The following TIAM1 variants were observed in gnomAD, a reference collection of about 807,000 sequenced individuals.
The protein encoded by TIAM1 is rho guanine nucleotide exchange factor TIAM1.
In TIAM1, 65 loss-of-function variants were observed where a neutral mutation model predicts 163.5. The observed-to-expected ratio is 0.40, with a 90% CI of 0.33 to 0.49. TIAM1 has a LOEUF of 0.49. TIAM1 is among the 20% of genes least tolerant of loss of function. TIAM1 has a pLI of 0.77. For synonymous variants in TIAM1, 833 were observed against 810.1 expected (o/e 1.03, Z -0.48); for missense variants, 1,789 against 2,044.7 (o/e 0.87, Z 2.41).
At chr21:31,328,102 C>T (rs1024142391) in intron 2 of TIAM1, among the ~76,000 whole-genome samples, 2 of 152,150 alleles carry the variant, frequency 1.3e-5, no homozygotes, top group African/African-American at 4.8e-5. Flanking sequence ...TTCCTCAACC[C>T]CTTGCCATCT....
chr21:31,148,956 CT>C (rs869158026), intron 19 of TIAM1, among the ~76,000 whole-genome samples: 3 of 28,844 alleles, frequency 1.0e-4, no homozygotes, highest in African/African-American at 1.9e-4. Context: ...ACAAGTTTTT[CT>C]TTTTCTTTTT....
At chr21:31,210,602 G>A (rs866737007) in intron 10 of TIAM1, among the ~76,000 whole-genome samples, 2 of 103,364 alleles carry the variant, frequency 1.9e-5, no homozygotes, top group Non-Finnish European at 3.8e-5. Flanking sequence ...AAGAGAGAAA[G>A]AAGGAAGGAA....
At chr21:31,367,278 G>C (rs1194750581) in intron 2 of TIAM1, among the ~76,000 whole-genome samples, 1 of 152,136 alleles carries the variant, frequency 6.6e-6, no homozygotes, top group Non-Finnish European at 1.5e-5. Flanking sequence ...CAGCAAAGGG[G>C]ACACAGAGCT....
chr21:31,210,122 G>A lies in TIAM1; in HGVS notation c.2311C>T (p.Leu771=). Residue 771 remains leucine, a synonymous_variant, in exon 11 of 28, where the codon CTG becomes TTG. Coordinates refer to ENST00000541036, the MANE Select transcript of TIAM1 (RefSeq NM_001353694.2). ...GTCAGGGCAGGCTGATTATTGGGCA[G>A]ACAGAACCAGGATGGAGTGAAATAC... is the stretch of plus-strand genomic sequence containing the variant. The part of the protein sequence containing the change: ...HEYFTPSWFC[L]PNNQPALTVV... The A allele has an allele frequency of 6.2e-7, 1 of 1,614,220 alleles. No individual in the cohort carries two copies. The highest frequency in any genetic ancestry group is 8.5e-7 in the Non-Finnish European group (1 of 1,180,050).
chr21:31,523,782 G>C (rs2047685295), intron 1 of TIAM1, among the ~76,000 whole-genome samples: 1 of 152,080 alleles, frequency 6.6e-6, no homozygotes, highest in Non-Finnish European at 1.5e-5. Context: ...AAATTAGCCA[G>C]GCATGGTGGC....
intron 1 of TIAM1, among the ~76,000 whole-genome samples, chr21:31,529,955 G>A (rs1370713554): frequency 6.6e-6 from 1 of 152,122 alleles, no homozygotes; most frequent in Non-Finnish European, 1.5e-5. Flanking sequence ...ACCTTTGCTG[G>A]AGCCAGGACC....
intron 2 of TIAM1, among the ~76,000 whole-genome samples, chr21:31,458,189 G>A (rs1372732269): frequency 6.6e-6 from 1 of 152,178 alleles, no homozygotes; most frequent in Non-Finnish European, 1.5e-5. Flanking sequence ...GGAGGCCAAG[G>A]TGGGTAGATC....
chr21:31,522,073 A>G (rs557848446), intron 1 of TIAM1, among the ~76,000 whole-genome samples: 12 of 151,818 alleles, frequency 7.9e-5, no homozygotes, highest in South Asian at 2.1e-4. Flanking sequence ...GGGTTTCACC[A>G]TGTTAACCAG....
chr21:31,154,042 C>A (rs1275984449), intron 17 of TIAM1, among the ~76,000 whole-genome samples: 1 of 151,742 alleles, frequency 6.6e-6, no homozygotes. Flanking sequence ...CCAGCCTGGC[C>A]AACAGAGTGA....
chr21:31,556,822 G>A (rs2048896092), intron 1 of TIAM1, among the ~76,000 whole-genome samples: 1 of 152,138 alleles, frequency 6.6e-6, no homozygotes, highest in Admixed American at 6.5e-5. Context: ...TAGCAACGTC[G>A]GTGTTTACCA....
chr21:31,500,499 A>G (rs190575821), intron 1 of TIAM1, among the ~76,000 whole-genome samples: 1 of 152,258 alleles, frequency 6.6e-6, no homozygotes, highest in East Asian at 1.9e-4. Flanking sequence ...TCCCAGAAAG[A>G]TATGTTGAAG....
chr21:31,368,664 G>A (rs547110807), intron 2 of TIAM1, among the ~76,000 whole-genome samples: 4 of 152,228 alleles, frequency 2.6e-5, no homozygotes, highest in Admixed American at 1.3e-4. Context: ...AGATTTGACC[G>A]TCCCCAGTAT....
intron 3 of TIAM1, among the ~76,000 whole-genome samples, chr21:31,267,195 G>T (rs1344135307): frequency 1.3e-5 from 2 of 152,236 alleles, no homozygotes; most frequent in Non-Finnish European, 2.9e-5. Context: ...TACTGAGACT[G>T]CCCCCTGAGA....
chr21:31,505,124 A>T (rs2147456936), intron 1 of TIAM1, among the ~76,000 whole-genome samples: 1 of 152,328 alleles, frequency 6.6e-6, no homozygotes, highest in South Asian at 2.1e-4. Context: ...GTAGCTAAGA[A>T]CAAACCAGAT....
intron 2 of TIAM1, among the ~76,000 whole-genome samples, chr21:31,445,964 G>A (rs2044608726): frequency 6.6e-6 from 1 of 152,108 alleles, no homozygotes; most frequent in Admixed American, 6.6e-5. Context: ...TTTTGAGACA[G>A]AATTTTGCTA....
At chr21:31,330,518 A>C (rs896224899) in intron 2 of TIAM1, among the ~76,000 whole-genome samples, 3 of 152,166 alleles carry the variant, frequency 2.0e-5, no homozygotes, top group Non-Finnish European at 4.4e-5. Flanking sequence ...AGCTCACTGC[A>C]ACCTCCCCAT....
intron 2 of TIAM1, among the ~76,000 whole-genome samples, chr21:31,387,195 C>A (rs868326435): frequency 2.7e-5 from 2 of 75,162 alleles, no homozygotes; most frequent in Non-Finnish European, 5.2e-5. Flanking sequence ...AGCTTATTCT[C>A]TTTTTTTTTT....
At chr21:31,146,427 A>G (rs1330314565) in intron 20 of TIAM1, among the ~76,000 whole-genome samples, 5 of 139,594 alleles carry the variant, frequency 3.6e-5, no homozygotes, top group African/African-American at 1.3e-4. Context: ...AAAAAAAAAC[A>G]AGGCAGGGAG....
At position 31,228,242 on chromosome 21, in the gene TIAM1, A is replaced by T. The variant is rs1569068880; in HGVS notation, c.1585-2292T>A. On this transcript the variant is annotated intron_variant, in intron 6 of 27. Coordinates refer to ENST00000541036, the MANE Select transcript of TIAM1 (RefSeq NM_001353694.2). ...TTTTAAAAAAAAAAAAAAAAAAAAA[A>T]AAAAAAAAAAAAAAAAAGGAAGGAA... Among the ~76,000 whole-genome samples the T allele has an allele frequency of 8.1e-4, 41 of 50,716 alleles. 1 individual carries two copies. Among genetic ancestry groups the T allele is most frequent in the African/African-American group, 1.2e-3 (31 of 26,200 alleles). The allele number at this position is 50,716 out of a possible 152,430, so 33.3% of individuals were successfully genotyped here.
Sources: gnomAD v4.1 joint callset for allele counts (sites outside exome capture counted in the v4.1 genomes callset) on GRCh38, gnomAD v4.1.1 for gene constraint, MANE v1.5 for transcripts, NCBI Gene and HGNC (gene_info 2026-07-23, HGNC 2026-07-21) for gene names.